KMT2C: variants seen among roughly 807,000 people sequenced by gnomAD.
KMT2C encodes the protein lysine methyltransferase 2C, also known as histone-lysine N-methyltransferase 2C.
Under a neutral mutation model 507.9 loss-of-function variants are expected in KMT2C, and 88 were observed. The observed-to-expected ratio is 0.17, with a 90% CI of 0.15 to 0.21. The LOEUF (loss-of-function observed/expected upper bound fraction) is 0.21. KMT2C is among the 10% of genes least tolerant of loss of function. KMT2C has a pLI of 1.00. For missense variants in KMT2C, 4,954 were observed against 5,957.8 expected (o/e 0.83, Z 5.55); for synonymous variants, 2,049 against 2,080.8 (o/e 0.98, Z 0.42).
chr7:152,238,558 C>A (rs1386063612), intron 15 of KMT2C, 149 bp downstream of exon 15: 6 of 592,712 alleles, frequency 1.0e-5, no homozygotes, highest in Non-Finnish European at 1.7e-5. Flanking sequence ...TAAATGCAAG[C>A]ATATTATTTC....
chr7:152,328,692 G>A (rs1400025458), intron 3 of KMT2C, among the ~76,000 whole-genome samples: 1 of 152,080 alleles, frequency 6.6e-6, no homozygotes, highest in African/African-American at 2.4e-5. Flanking sequence ...AGAAAGACTG[G>A]TTAAAAGGCT....
At chr7:152,275,925 A>G (rs2096072001) in intron 6 of KMT2C, among the ~76,000 whole-genome samples, 1 of 152,236 alleles carries the variant, frequency 6.6e-6, no homozygotes, top group Non-Finnish European at 1.5e-5. Context: ...GATAAAATAT[A>G]ATGAGAGGTA....
At chr7:152,237,583 C>T (rs375874345) in intron 15 of KMT2C, among the ~76,000 whole-genome samples, 6 of 152,154 alleles carry the variant, frequency 3.9e-5, no homozygotes, top group Admixed American at 1.3e-4. Flanking sequence ...CTGCAACCTC[C>T]GTCTCCTGGG....
intron 24 of KMT2C, 57 bp downstream of exon 24, chr7:152,207,243 T>G: frequency 1.6e-6 from 2 of 1,270,724 alleles, no homozygotes; most frequent in Non-Finnish European, 2.2e-6. Flanking sequence ...AGTATTGTAT[T>G]TTTCTTTAAT....
chr7:152,434,725 G>A (rs987322057), intron 1 of KMT2C, among the ~76,000 whole-genome samples: 9 of 152,138 alleles, frequency 5.9e-5, no homozygotes, highest in African/African-American at 2.2e-4. Context: ...TACAAGCAAA[G>A]CCGTCAAATA....
intron 1 of KMT2C, among the ~76,000 whole-genome samples, chr7:152,389,694 G>T (rs762899607): frequency 1.3e-5 from 2 of 151,996 alleles, no homozygotes; most frequent in African/African-American, 2.4e-5. Flanking sequence ...TCCAGCCTTG[G>T]ACTCCCAAAG....
chr7:152,297,523 A>G (rs2129190860), intron 6 of KMT2C, among the ~76,000 whole-genome samples: 1 of 152,362 alleles, frequency 6.6e-6, no homozygotes, highest in East Asian at 1.9e-4. Flanking sequence ...AAAGCCAGGA[A>G]TAGTATCTGT....
rs770878955 is a variant in KMT2C, at chr7:152,187,705, A to G, written c.4793+10T>C. 2.5e-6 allele frequency: 4 copies of G among 1,603,328 alleles called. No individual in the cohort carries two copies. Among genetic ancestry groups the G allele is most frequent in the Non-Finnish European group, 3.4e-6 (4 of 1,177,306 alleles). The stretch of plus-strand genomic sequence containing the variant: ...GCAATTTAAGTTTCCATAGAAAATA[A>G]GGCTTGTACCTGGCATCAGGATAAG... On this transcript the variant is annotated intron_variant, in intron 32 of 58. Transcript: ENST00000262189.
chr7:152,276,214 A>C (rs2096076608), intron 6 of KMT2C, among the ~76,000 whole-genome samples: 1 of 152,246 alleles, frequency 6.6e-6, no homozygotes, highest in Non-Finnish European at 1.5e-5. Context: ...CGGCATTAAA[A>C]GAAAATGTTT....
intron 5 of KMT2C, among the ~76,000 whole-genome samples, 165 bp from the exon 6 acceptor site, chr7:152,310,240 C>T (rs766288135): frequency 6.6e-6 from 1 of 152,172 alleles, no homozygotes; most frequent in Non-Finnish European, 1.5e-5. Flanking sequence ...GTGGACCAAC[C>T]ACTGAGTGCC....
In KMT2C at chr7:152,181,057, G is replaced by T. The variant is rs2129119594; in HGVS notation, c.6803C>A (p.Pro2268Gln). The part of the protein sequence containing the change: ...GPALPGPLVR[P>Q]PDTCSQTPRP... ...AGGTGTCTGGGAACATGTATCAGGT[G>T]GCCTTACCAACGGGCCAGGTAAAGC... Residue 2268 changes from proline (P) to glutamine (Q), a missense_variant, in exon 36 of 59, where the codon CCA becomes CAA. Coordinates refer to ENST00000262189, the MANE Select transcript of KMT2C (RefSeq NM_170606.3). 6.2e-7 allele frequency: 1 copy of T among 1,614,210 alleles called. No individual in the cohort carries two copies. Among genetic ancestry groups the T allele is most frequent in the South Asian group, 1.1e-5 (1 of 91,088 alleles).
At position 152,249,942 on chromosome 7, in the gene KMT2C, G is replaced by A. The variant is rs1289716015; in HGVS notation, c.1747C>T (p.His583Tyr). The A allele has an allele frequency of 6.2e-7, 1 of 1,608,026 alleles. No individual in the cohort carries two copies. The highest frequency in any genetic ancestry group is 8.5e-7 in the Non-Finnish European group (1 of 1,175,116). Residue 583 changes from histidine to tyrosine, a missense_variant, in exon 13 of 59, where the codon CAC (histidine) becomes TAC (tyrosine). Around this residue, in one of 29 missense-constraint regions of KMT2C, gnomAD observed 376 missense variants for 352.4 expected, o/e 1.07. Transcript: ENST00000262189. ...PGIVPDAVQV[H>Y]TEEQQKSHPS... ...TGACTCTTCTGTTGCTCTTCAGTGT[G>A]GACTTGAACCGCTGTGAGTAACACA...
intron 18 of KMT2C, among the ~76,000 whole-genome samples, chr7:152,225,836 T>C (rs1164900272): frequency 6.6e-6 from 1 of 152,140 alleles, no homozygotes; most frequent in Non-Finnish European, 1.5e-5. Flanking sequence ...AGTTCTAGAG[T>C]AGGCAAAAAC....
At chr7:152,308,191 T>C (rs1033168538) in intron 6 of KMT2C, among the ~76,000 whole-genome samples, 5 of 152,218 alleles carry the variant, frequency 3.3e-5, no homozygotes, top group Non-Finnish European at 7.3e-5. Context: ...TCAGTTCATT[T>C]TGATAATCCA....
intron 39 of KMT2C, among the ~76,000 whole-genome samples, chr7:152,173,800 A>G (rs1476909806): frequency 6.6e-6 from 1 of 152,214 alleles, no homozygotes; most frequent in Non-Finnish European, 1.5e-5. Flanking sequence ...AAAATCTTAG[A>G]TAACATGAAC....
Position 152,152,687 on chromosome 7 carries a change from A to G in KMT2C, c.12526+18T>C. 1.2e-6 allele frequency: 2 copies of G among 1,611,512 alleles called. No individual in the cohort carries two copies. The highest frequency in any genetic ancestry group is 1.7e-5 in the Admixed American group (1 of 59,984). ...ATCAGGAATGGATTTGGGGTTAACAAAAAGCTCACTAGCTCACCATTGCTT... is the reference window on the plus strand; with the variant it reads ...ATCAGGAATGGATTTGGGGTTAACAGAAAGCTCACTAGCTCACCATTGCTT... On this transcript the variant is annotated intron_variant, in intron 49 of 58. Transcript: ENST00000262189.
chr7:152,343,152 C>T (rs941091980), intron 2 of KMT2C, among the ~76,000 whole-genome samples: 1 of 151,890 alleles, frequency 6.6e-6, no homozygotes, highest in African/African-American at 2.4e-5. Flanking sequence ...CAGAACTAGA[C>T]TTGGATGCAG....
intron 44 of KMT2C, 105 bp from the exon 45 acceptor site, chr7:152,156,451 A>G (rs2092052925): frequency 1.4e-6 from 2 of 1,397,544 alleles, no homozygotes; most frequent in African/African-American, 2.9e-5. Context: ...GCAAGGCTAC[A>G]GAAATGTAAT....
At chr7:152,368,187 T>C (rs915396659) in intron 1 of KMT2C, 4 of 901,578 alleles carry the variant, frequency 4.4e-6, no homozygotes, top group Non-Finnish European at 3.8e-6. Context: ...ATGGTGAACA[T>C]TGTGATTTTA....
Sources: allele counts gnomAD v4.1 joint callset (sites outside exome capture counted in the v4.1 genomes callset), GRCh38; gene constraint gnomAD v4.1.1; regional missense constraint gnomAD v4.1.1; transcripts MANE v1.5; gene names NCBI Gene and HGNC (gene_info 2026-07-23, HGNC 2026-07-21).